The following ERBB4 variants were observed in gnomAD, a reference collection of about 807,000 sequenced individuals.
The protein encoded by ERBB4 is erb-b2 receptor tyrosine kinase 4, also known as receptor tyrosine-protein kinase erbB-4.
In ERBB4, 42 loss-of-function variants were observed where a neutral mutation model predicts 158.0. The observed-to-expected ratio is 0.27, with a 90% CI of 0.21 to 0.34. The LOEUF is 0.34. Among genes scored for constraint, ERBB4 ranks in the 10% least tolerant of loss-of-function variants. The pLI, the probability that ERBB4 is intolerant of heterozygous loss-of-function variation, is 1.00. For missense variants in ERBB4, 1,333 were observed against 1,624.1 expected (o/e 0.82, Z 3.08); for synonymous variants, 583 against 558.7 (o/e 1.04, Z -0.61).
chr2:211,987,081 G>A (rs1195623129), intron 2 of ERBB4, among the ~76,000 whole-genome samples: 1 of 151,970 alleles, frequency 6.6e-6, no homozygotes, highest in Non-Finnish European at 1.5e-5. Flanking sequence ...AAAACTTTGG[G>A]AGGCCGAGGT....
In ERBB4 at chr2:211,725,110, C is replaced by G. The variant is rs1293263605; in HGVS notation, c.707G>C (p.Gly236Ala). The change falls in exon 6 of 28, where the codon GGA becomes GCA. Residue 236 changes from glycine (G) to alanine (A), a missense_variant. Transcript: ENST00000342788. ...TGTGTCCTTAGGTCCTGAGCAGCCT[C>G]CAGCACATTCTCGATGGCAGCAGTC... ...VSDCCHRECA[G>A]GCSGPKDTDC... is the part of the protein sequence containing the mutation. 1 of 1,613,742 alleles carries G rather than the reference C, an allele frequency of 6.2e-7. No individual in the cohort carries two copies. Among genetic ancestry groups the G allele is most frequent in the African/African-American group, 1.3e-5 (1 of 74,884 alleles).
At chr2:212,069,487 C>G (rs2078046095) in intron 2 of ERBB4, among the ~76,000 whole-genome samples, 1 of 151,984 alleles carries the variant, frequency 6.6e-6, no homozygotes, top group African/African-American at 2.4e-5. Flanking sequence ...TAATGCTTCC[C>G]CACTCCCGAT....
chr2:212,250,654 T>C (rs149916064), intron 1 of ERBB4, among the ~76,000 whole-genome samples: 2 of 152,078 alleles, frequency 1.3e-5, no homozygotes. Flanking sequence ...ATTCATGCAT[T>C]CACTTATTCT....
chr2:212,011,811 T>C (rs982629388), intron 2 of ERBB4, among the ~76,000 whole-genome samples: 2 of 152,146 alleles, frequency 1.3e-5, no homozygotes, highest in South Asian at 4.1e-4. Flanking sequence ...AGAAGGCATA[T>C]AATGTCTGGA....
intron 2 of ERBB4, among the ~76,000 whole-genome samples, chr2:212,061,757 CAG>C (rs1156829271): frequency 2.1e-5 from 3 of 140,266 alleles, no homozygotes; most frequent in Admixed American, 7.6e-5. Context: ...TTTTTTTAGA[CAG>C]AGTCTCACTC....
intron 20 of ERBB4, among the ~76,000 whole-genome samples, chr2:211,465,741 A>G (rs1339158200): frequency 6.6e-6 from 1 of 152,170 alleles, no homozygotes; most frequent in Non-Finnish European, 1.5e-5. Context: ...TTGCCGGTCG[A>G]GAGTAGCCAA....
intron 1 of ERBB4, among the ~76,000 whole-genome samples, chr2:212,246,105 T>C (rs1014734614): frequency 6.6e-6 from 1 of 152,190 alleles, no homozygotes; most frequent in African/African-American, 2.4e-5. Flanking sequence ...TCTGTAAATG[T>C]AGATTAACTG....
intron 1 of ERBB4, among the ~76,000 whole-genome samples, chr2:212,484,654 G>GA: frequency 6.6e-6 from 1 of 152,240 alleles, no homozygotes. Flanking sequence ...CCTTTGACTG[G>GA]AAAATAAAAG....
intron 1 of ERBB4, among the ~76,000 whole-genome samples, chr2:212,163,966 A>G (rs576146310): frequency 2.1e-4 from 32 of 151,906 alleles, no homozygotes; most frequent in African/African-American, 7.2e-4. Flanking sequence ...TATTTTTTAA[A>G]TTATTTTTAT....
intron 1 of ERBB4, among the ~76,000 whole-genome samples, chr2:212,150,410 C>A: frequency 6.6e-6 from 1 of 152,072 alleles, no homozygotes; most frequent in Non-Finnish European, 1.5e-5. Flanking sequence ...TTTCATTTTC[C>A]CTAATTACAT....
intron 1 of ERBB4, among the ~76,000 whole-genome samples, chr2:212,534,373 G>A (rs938220975): frequency 6.6e-6 from 1 of 152,140 alleles, no homozygotes; most frequent in Non-Finnish European, 1.5e-5. Flanking sequence ...TTGGTCAAGA[G>A]GGGAAAAGAA....
At chr2:212,495,933 G>C (rs772601142) in intron 1 of ERBB4, among the ~76,000 whole-genome samples, 11 of 152,076 alleles carry the variant, frequency 7.2e-5, no homozygotes, top group Non-Finnish European at 1.6e-4. Flanking sequence ...ATAACAACCA[G>C]AGATTTGTGA....
intron 1 of ERBB4, among the ~76,000 whole-genome samples, chr2:212,503,731 A>G (rs186874505): frequency 2.0e-5 from 3 of 152,342 alleles, no homozygotes; most frequent in African/African-American, 4.8e-5. Flanking sequence ...TGTTGTAGAA[A>G]ACACAAAGCA....
At chr2:211,625,912 A>G (rs2069824862) in intron 17 of ERBB4, among the ~76,000 whole-genome samples, 1 of 152,188 alleles carries the variant, frequency 6.6e-6, no homozygotes, top group African/African-American at 2.4e-5. Context: ...TCACAGTTCT[A>G]CCTGAGCTTT....
intron 1 of ERBB4, among the ~76,000 whole-genome samples, chr2:212,399,011 T>G (rs1348056325): frequency 1.3e-5 from 2 of 152,146 alleles, no homozygotes; most frequent in Non-Finnish European, 2.9e-5. Flanking sequence ...TGGCGTGATC[T>G]TGGCTGACTG....
chr2:211,689,932 C>CTTTTGT (rs1427266228), intron 12 of ERBB4, among the ~76,000 whole-genome samples: 1 of 151,202 alleles, frequency 6.6e-6, no homozygotes, highest in Non-Finnish European at 1.5e-5. Context: ...GTATTGATCA[C>CTTTTGT]TTTTGTTTTC....
At chr2:211,955,244 C>A (rs2080995206) in intron 2 of ERBB4, among the ~76,000 whole-genome samples, 1 of 152,064 alleles carries the variant, frequency 6.6e-6, no homozygotes, top group Admixed American at 6.6e-5. Flanking sequence ...TTCTAAGAAT[C>A]TGCAGGCCAT....
chr2:211,745,715 G>GA (rs776012647), intron 5 of ERBB4, among the ~76,000 whole-genome samples: 1,746 of 94,302 alleles, frequency 0.019, 78 homozygotes, highest in Middle Eastern at 0.1. Context: ...TCCACCGCCA[G>GA]AAAAAAAACA....
intron 19 of ERBB4, among the ~76,000 whole-genome samples, chr2:211,580,812 A>AT (rs1203397849): frequency 0.081 from 3,905 of 48,190 alleles, 594 homozygotes; most frequent in African/African-American, 0.4. Context: ...ATATATATAT[A>AT]ATATATATAT....
Sources: allele counts gnomAD v4.1 joint callset (sites outside exome capture counted in the v4.1 genomes callset), GRCh38; gene constraint gnomAD v4.1.1; transcripts MANE v1.5; gene names NCBI Gene and HGNC (gene_info 2026-07-23, HGNC 2026-07-21).